The following VCF1 variants were observed in gnomAD, a reference collection of about 807,000 sequenced individuals.
VCF1 encodes the protein VCP nuclear cofactor family member 1, also known as protein VCF1.
At chr17:73,208,205 A>C in the VCF1 span, 21 of 1,590,732 alleles carry the variant, frequency 1.3e-5, no homozygotes, top group Non-Finnish European at 1.7e-5. Flanking sequence ...CGTGCTTCTC[A>C]GCTCCGCTTG....
At chr17:73,207,486 A>G in the VCF1 span, 5 of 647,658 alleles carry the variant, frequency 7.7e-6, no homozygotes, top group Non-Finnish European at 1.4e-5. Flanking sequence ...ATAGAAATGT[A>G]GAAAATATAC....
At chr17:73,232,225 G>A in the VCF1 span, 3 of 1,611,598 alleles carry the variant, frequency 1.9e-6, no homozygotes, top group East Asian at 4.5e-5. Context: ...GCAGCCGCTC[G>A]GGTGGACGCA....
At chr17:73,216,425 G>A in the VCF1 span, among the ~76,000 whole-genome samples, 2 of 152,190 alleles carry the variant, frequency 1.3e-5, no homozygotes, top group African/African-American at 4.8e-5. Flanking sequence ...GAGTAAGGGA[G>A]GGAAGGCCGA....
chr17:73,209,836 C>T, the VCF1 span: 4 of 1,525,170 alleles, frequency 2.6e-6, no homozygotes, highest in African/African-American at 5.5e-5. Context: ...ACTGTGGTTT[C>T]ATGTACAGCG....
chr17:73,232,051 G>A, the VCF1 span: 76 of 1,552,266 alleles, frequency 4.9e-5, no homozygotes, highest in East Asian at 7.1e-5. Context: ...CAGATCCTCA[G>A]GCGACGAATG....
At chr17:73,218,612 C>T in the VCF1 span, among the ~76,000 whole-genome samples, 1 of 152,172 alleles carries the variant, frequency 6.6e-6, no homozygotes, top group Non-Finnish European at 1.5e-5. Context: ...CTGCCGGGCG[C>T]GGTGGCTCAC....
At chr17:73,216,459 C>T in the VCF1 span, among the ~76,000 whole-genome samples, 1 of 152,078 alleles carries the variant, frequency 6.6e-6, no homozygotes, top group African/African-American at 2.4e-5. Flanking sequence ...GCAGTGGCTG[C>T]AGGCAACTGA....
chr17:73,207,786 A>C, the VCF1 span: 3 of 1,288,306 alleles, frequency 2.3e-6, no homozygotes, highest in African/African-American at 4.6e-5. Context: ...AAGCTCAAAC[A>C]GCTTGTCTTC....
chr17:73,230,032 C>A, the VCF1 span, among the ~76,000 whole-genome samples: 3 of 152,066 alleles, frequency 2.0e-5, no homozygotes, highest in Non-Finnish European at 1.5e-5. Flanking sequence ...TGAGGTGGCT[C>A]ACATCTGTAA....
the VCF1 span, among the ~76,000 whole-genome samples, chr17:73,217,302 G>A: frequency 1.3e-4 from 19 of 151,828 alleles, no homozygotes; most frequent in Non-Finnish European, 2.2e-4. Flanking sequence ...GCAGTGAGCT[G>A]AGAATGTGCC....
the VCF1 span, chr17:73,207,713 C>T: frequency 1.5e-6 from 2 of 1,291,848 alleles, no homozygotes; most frequent in Non-Finnish European, 2.0e-6. Flanking sequence ...ACGATGCCAA[C>T]TGTTAAGCCT....
the VCF1 span, chr17:73,208,531 C>G: frequency 1.3e-6 from 2 of 1,492,764 alleles, no homozygotes; most frequent in Non-Finnish European, 1.9e-6. Flanking sequence ...ATCTGATTCT[C>G]AGCCACACCA....
At chr17:73,213,552 G>C in the VCF1 span, among the ~76,000 whole-genome samples, 1 of 152,212 alleles carries the variant, frequency 6.6e-6, no homozygotes, top group Non-Finnish European at 1.5e-5. Flanking sequence ...AATCTGGAAG[G>C]ATATATATGA....
At chr17:73,208,229 G>C in the VCF1 span, 1 of 1,605,534 alleles carries the variant, frequency 6.2e-7, no homozygotes, top group Middle Eastern at 2.3e-4. Flanking sequence ...GTGCCGTGTG[G>C]ACTCCGAGTG....
At chr17:73,222,075 C>G in the VCF1 span, among the ~76,000 whole-genome samples, 1 of 144,248 alleles carries the variant, frequency 6.9e-6, no homozygotes, top group East Asian at 2.1e-4. Context: ...GGTGTAGTGG[C>G]GCACACCTGT....
the VCF1 span, among the ~76,000 whole-genome samples, chr17:73,214,316 TAA>T: frequency 2.0e-3 from 283 of 143,592 alleles, no homozygotes; most frequent in Middle Eastern, 3.6e-3. Context: ...CAACCAGCAT[TAA>T]AAAAAAAAAA....
At chr17:73,208,989 T>G in the VCF1 span, 1 of 222,860 alleles carries the variant, frequency 4.5e-6, no homozygotes, top group Non-Finnish European at 9.0e-6. Flanking sequence ...GTTCTCCTGT[T>G]ACACAGGAGA....
chr17:73,215,307 C>G, the VCF1 span, among the ~76,000 whole-genome samples: 1 of 152,130 alleles, frequency 6.6e-6, no homozygotes, highest in African/African-American at 2.4e-5. Flanking sequence ...TTTTTTGAAA[C>G]AAGGTCTTGC....
At chr17:73,223,144 C>G in the VCF1 span, among the ~76,000 whole-genome samples, 4 of 152,114 alleles carry the variant, frequency 2.6e-5, no homozygotes, top group African/African-American at 7.2e-5. Flanking sequence ...ATGGAGAAAC[C>G]TTGCCTTTAC....
Sources: gnomAD v4.1 joint callset for allele counts (sites outside exome capture counted in the v4.1 genomes callset) on GRCh38, gnomAD v4.1.1 for gene constraint, MANE v1.5 for transcripts, NCBI Gene and HGNC (gene_info 2026-07-23, HGNC 2026-07-21) for gene names.